The following APC variants were observed in gnomAD, a reference collection of about 807,000 sequenced individuals.
The protein encoded by APC is APC regulator of Wnt signaling pathway.
A neutral mutation model predicts 247.0 loss-of-function variants in APC; 72 were observed. The observed-to-expected ratio is 0.29, with a 90% confidence interval of 0.24 to 0.35. The LOEUF is 0.35. Ranked by LOEUF, APC falls within the 10% of genes least tolerant of loss-of-function variation. APC has a pLI of 1.00. For missense variants in APC, 3,400 were observed against 3,360.7 expected, an observed-to-expected ratio of 1.01 and a Z score of -0.29; for synonymous variants, 1,254 against 1,162.5, an observed-to-expected ratio of 1.08 and a Z score of -1.60.
intron 1 of APC, among the ~76,000 whole-genome samples, chr5:112,754,154 G>T (rs1017744957): frequency 2.6e-5 from 4 of 152,138 alleles, no homozygotes; most frequent in Admixed American, 2.0e-4. Context: ...TTTGGCCTCA[G>T]TTTGAGCACA....
At chr5:112,802,916 T>G (rs1760988671) in intron 8 of APC, among the ~76,000 whole-genome samples, 1 of 151,898 alleles carries the variant, frequency 6.6e-6, no homozygotes, top group Admixed American at 6.6e-5. Flanking sequence ...TTAAAATGGT[T>G]CCAAGCCATC....
intron 2 of APC, among the ~76,000 whole-genome samples, chr5:112,760,118 T>G (rs1755485753): frequency 6.6e-6 from 1 of 152,152 alleles, no homozygotes; most frequent in African/African-American, 2.4e-5. Context: ...ATATTGATTC[T>G]GGGTACAGAT....
chr5:112,836,173 C>CA (rs995967040), intron 15 of APC, among the ~76,000 whole-genome samples: 1 of 74,524 alleles, frequency 1.3e-5, no homozygotes, highest in South Asian at 9.8e-4. Flanking sequence ...GGTCCCCCCC[C>CA]CCCCCCGCCA....
intron 7 of APC, among the ~76,000 whole-genome samples, chr5:112,800,158 A>G (rs977389220): frequency 6.6e-6 from 1 of 152,252 alleles, no homozygotes; most frequent in Non-Finnish European, 1.5e-5. Context: ...CATCTATTGC[A>G]AGTAACTAAC....
intron 1 of APC, among the ~76,000 whole-genome samples, chr5:112,746,444 A>T (rs1005161062): frequency 6.6e-6 from 1 of 152,182 alleles, no homozygotes; most frequent in Middle Eastern, 3.2e-3. Flanking sequence ...TTAAAACTAT[A>T]CATTTTCTCT....
At chr5:112,718,647 A>G (rs1751312624) in intron 1 of APC, among the ~76,000 whole-genome samples, 1 of 152,174 alleles carries the variant, frequency 6.6e-6, no homozygotes, top group Non-Finnish European at 1.5e-5. Flanking sequence ...TGGGTTCCTG[A>G]CTTCTAGTGG....
chr5:112,791,283 TA>T (rs538169470), intron 6 of APC, among the ~76,000 whole-genome samples: 1 of 152,346 alleles, frequency 6.6e-6, no homozygotes, highest in East Asian at 1.9e-4. Context: ...CTATCCTCTT[TA>T]TGATCCTAGT....
rs1417558114 is a variant in APC at position 112,840,563 on chromosome 5, C to T, written c.4969C>T (p.Leu1657=). 2 of 1,614,108 alleles carry T rather than the reference C, an allele frequency of 1.2e-6. No individual in the cohort carries two copies. The highest frequency in any genetic ancestry group is 1.7e-6 in the Non-Finnish European group (2 of 1,179,982). ...TPINFSTATS[L]SDLTIESPPN... ...TATAAACTTTTCCACAGCTACATCT[C>T]TAAGTGATCTAACAATCGAATCCCC... The change falls in exon 16 of 16, where the codon CTA becomes TTA. Residue 1657 remains leucine (L), a synonymous_variant. Transcript: ENST00000257430. This position sits in a 1 kb window ranked among gnomAD's most constrained non-coding sequence, Gnocchi z 4.1.
chr5:112,730,752 A>G (rs908833467), intron 1 of APC, among the ~76,000 whole-genome samples: 34 of 152,212 alleles, frequency 2.2e-4, no homozygotes, highest in African/African-American at 7.9e-4. Context: ...CAAAATCTGA[A>G]TCTGCCTTTG....
At chr5:112,825,706 G>A (rs1763590606) in intron 11 of APC, among the ~76,000 whole-genome samples, 1 of 152,122 alleles carries the variant, frequency 6.6e-6, no homozygotes, top group African/African-American at 2.4e-5. Flanking sequence ...AAAATAAAAA[G>A]AAAGATACAC....
chr5:112,715,365 A>G (rs940944110), intron 1 of APC, among the ~76,000 whole-genome samples: 4 of 152,310 alleles, frequency 2.6e-5, no homozygotes, highest in Non-Finnish European at 5.9e-5. Flanking sequence ...CAGGTAGTAT[A>G]TAGATCTTGA....
At chr5:112,764,947 A>T (rs1756105562) in intron 2 of APC, among the ~76,000 whole-genome samples, 1 of 152,176 alleles carries the variant, frequency 6.6e-6, no homozygotes, top group Non-Finnish European at 1.5e-5. Flanking sequence ...CTATTCCACA[A>T]ATGTAAAACA....
intron 1 of APC, among the ~76,000 whole-genome samples, chr5:112,710,180 C>T (rs940792503): frequency 6.6e-6 from 1 of 152,114 alleles, no homozygotes; most frequent in African/African-American, 2.4e-5. Context: ...CAGTTTGACC[C>T]CTGAAATTCT....
intron 1 of APC, among the ~76,000 whole-genome samples, chr5:112,715,866 A>G (rs958943685): frequency 2.0e-5 from 3 of 152,044 alleles, no homozygotes; most frequent in Non-Finnish European, 4.4e-5. Context: ...TATTTTTTAT[A>G]ATTTTTCCAC....
chr5:112,825,386 A>T lies in APC; in HGVS notation c.1409-1722A>T, dbSNP rs906831730. Among the ~76,000 whole-genome samples, 2 of 152,152 alleles carry T rather than the reference A, an allele frequency of 1.3e-5. 1 individual carries two copies. The highest frequency in any genetic ancestry group is 4.1e-4 in the South Asian group (2 of 4,828). ...CTAATTATTCCTTTTTCTGCGTAAA[A>T]TCTTTAATGTGGCACATAAAGTCTT... On this transcript the variant is annotated intron_variant, in intron 11 of 15. Coordinates refer to ENST00000257430, the MANE Select transcript of APC (RefSeq NM_000038.6).
intron 1 of APC, among the ~76,000 whole-genome samples, chr5:112,714,286 G>C (rs916961699): frequency 6.6e-6 from 1 of 152,222 alleles, no homozygotes; most frequent in Non-Finnish European, 1.5e-5. Flanking sequence ...TGTTTGGAAT[G>C]GTCCCACAAA....
rs750936426 is a variant in APC, at chr5:112,840,997, T to C, written c.5403T>C (p.Ala1801=). Residue 1801 remains alanine, a synonymous_variant, in exon 16 of 16, where the codon GCT becomes GCC. Coordinates refer to ENST00000257430, the MANE Select transcript of APC (RefSeq NM_000038.6). This position sits in a 1 kb window ranked among gnomAD's most constrained non-coding sequence, Gnocchi z 4.1. ...CAGACTCAAAAAATAATTTAAATGCTGAGAGAGTTTTCTCAGACAACAAAG... is the reference window on the plus strand; with the variant it reads ...CAGACTCAAAAAATAATTTAAATGCCGAGAGAGTTTTCTCAGACAACAAAG... ...KNADSKNNLN[A]ERVFSDNKDS... 1.2e-6 allele frequency: 2 copies of C among 1,612,024 alleles called. No homozygotes were observed. Among genetic ancestry groups the C allele is most frequent in the Non-Finnish European group, 1.7e-6 (2 of 1,178,426 alleles).
At chr5:112,711,906 A>G (rs1161336146) in intron 1 of APC, among the ~76,000 whole-genome samples, 1 of 152,214 alleles carries the variant, frequency 6.6e-6, no homozygotes, top group African/African-American at 2.4e-5. Context: ...AATTGCCACC[A>G]ATGATGTTCA....
At chr5:112,834,670 C>T (rs1310165764) in intron 14 of APC, among the ~76,000 whole-genome samples, 2 of 151,996 alleles carry the variant, frequency 1.3e-5, no homozygotes, top group Non-Finnish European at 2.9e-5. Flanking sequence ...AGTTGTGCCT[C>T]ATATTCTAAG....
Sources: gnomAD v4.1 joint callset for allele counts (sites outside exome capture counted in the v4.1 genomes callset) on GRCh38, gnomAD v4.1.1 for gene constraint, Gnocchi (gnomAD v3.1) non-coding constraint, MANE v1.5 for transcripts, NCBI Gene and HGNC (gene_info 2026-07-23, HGNC 2026-07-21) for gene names.